SGCD: variants seen among roughly 807,000 people sequenced by gnomAD.
SGCD encodes delta-sarcoglycan.
A neutral mutation model predicts 36.6 loss-of-function variants in SGCD; 18 were observed. The observed-to-expected ratio is 0.49, with a 90% confidence interval of 0.34 to 0.73. The LOEUF is 0.73. Ranked by LOEUF, SGCD falls within the 30% of genes least tolerant of loss-of-function variation. The pLI is 0.01. For missense variants in SGCD, 387 were observed against 346.7 expected, an observed-to-expected ratio of 1.12 and a Z score of -0.92; for synonymous variants, 133 against 130.6, an observed-to-expected ratio of 1.02 and a Z score of -0.12.
intron 4 of SGCD, among the ~76,000 whole-genome samples, chr5:156,573,563 C>T (rs569088300): frequency 6.6e-6 from 1 of 152,288 alleles, no homozygotes; most frequent in South Asian, 2.1e-4. Context: ...GGAAGGCTCA[C>T]AGGTAAAGAA....
At chr5:155,755,642 G>A in the SGCD span, among the ~76,000 whole-genome samples, 1 of 152,100 alleles carries the variant, frequency 6.6e-6, no homozygotes, top group African/African-American at 2.4e-5. Flanking sequence ...ATAGTTTCCT[G>A]GGCATGCCCC....
At chr5:156,727,337 C>T (rs187068567) in intron 7 of SGCD, among the ~76,000 whole-genome samples, 1 of 152,058 alleles carries the variant, frequency 6.6e-6, no homozygotes, top group African/African-American at 2.4e-5. Context: ...GGAGTTATTT[C>T]TAAAGCTGGA....
the SGCD span, among the ~76,000 whole-genome samples, chr5:155,773,427 G>A: frequency 6.6e-6 from 1 of 152,090 alleles, no homozygotes; most frequent in Admixed American, 6.6e-5. Flanking sequence ...CAGTCCTCCT[G>A]ACTTGGCCTC....
At chr5:156,602,624 T>C (rs1282950932) in intron 6 of SGCD, among the ~76,000 whole-genome samples, 4 of 152,162 alleles carry the variant, frequency 2.6e-5, no homozygotes, top group Admixed American at 2.0e-4. Context: ...CTACCTTTTA[T>C]ACCTAATTTG....
intron 3 of SGCD, among the ~76,000 whole-genome samples, chr5:156,144,531 G>A (rs1191795025): frequency 1.3e-5 from 2 of 152,160 alleles, no homozygotes; most frequent in Non-Finnish European, 2.9e-5. Flanking sequence ...CTGCATAAAT[G>A]TCTTCTTTTG....
chr5:156,004,313 A>G (rs1417160861), intron 1 of SGCD, among the ~76,000 whole-genome samples: 1 of 152,232 alleles, frequency 6.6e-6, no homozygotes, highest in Non-Finnish European at 1.5e-5. Flanking sequence ...TTTCTAGAAC[A>G]GTACTACTGC....
chr5:156,211,346 G>T (rs1339994625), intron 3 of SGCD, among the ~76,000 whole-genome samples: 1 of 152,158 alleles, frequency 6.6e-6, no homozygotes, highest in African/African-American at 2.4e-5. Flanking sequence ...GGTGGCTCAA[G>T]CCTGTAATCC....
the SGCD span, among the ~76,000 whole-genome samples, chr5:155,845,800 A>G: frequency 6.6e-6 from 1 of 152,072 alleles, no homozygotes; most frequent in African/African-American, 2.4e-5. Flanking sequence ...TTATCTGTAA[A>G]CCTGTTTTTT....
intron 3 of SGCD, among the ~76,000 whole-genome samples, chr5:156,155,325 T>A (rs1005066100): frequency 6.6e-6 from 1 of 151,574 alleles, no homozygotes; most frequent in Admixed American, 6.6e-5. Context: ...ATGTTTCTTC[T>A]AAAAAGGGCA....
the SGCD span, among the ~76,000 whole-genome samples, chr5:155,856,518 G>A: frequency 1.5e-4 from 23 of 151,950 alleles, no homozygotes; most frequent in Non-Finnish European, 2.4e-4. Context: ...TACAGACACC[G>A]AAAGGACAAC....
chr5:156,009,278 G>T (rs1467477456), intron 1 of SGCD, among the ~76,000 whole-genome samples: 1 of 152,174 alleles, frequency 6.6e-6, no homozygotes, highest in Non-Finnish European at 1.5e-5. Flanking sequence ...GGGTTCCAAA[G>T]AACCAGGTTT....
At chr5:155,739,307 A>C in the SGCD span, among the ~76,000 whole-genome samples, 1 of 152,222 alleles carries the variant, frequency 6.6e-6, no homozygotes, top group Admixed American at 6.5e-5. Flanking sequence ...TCCATGCAGC[A>C]GGAAAAGCAA....
chr5:155,814,492 A>C, the SGCD span, among the ~76,000 whole-genome samples: 2 of 152,132 alleles, frequency 1.3e-5, no homozygotes, highest in African/African-American at 4.8e-5. Context: ...CCTGTTCCAG[A>C]CTCTAAGCTT....
chr5:156,185,494 G>GCA lies in SGCD; in HGVS notation c.-44+61475_-44+61476insCA, dbSNP rs1561555357. On this transcript the variant is annotated intron_variant, in intron 3 of 9. Coordinates refer to the SGCD transcript ENST00000517913. ...CTCCCAAAGTGCTGGGATTACAGAT[G>GCA]TGAGCCACCGCGCCTGGCCTCTTTT... is the stretch of plus-strand genomic sequence containing the variant. Among the ~76,000 whole-genome samples the GCA allele has an allele frequency of 2.5e-3, 381 of 152,150 alleles. 3 individuals are homozygous for GCA. The highest frequency in any genetic ancestry group is 8.2e-3 in the African/African-American group (341 of 41,530).
At chr5:156,496,083 C>A (rs755307626) in intron 3 of SGCD, among the ~76,000 whole-genome samples, 7 of 152,120 alleles carry the variant, frequency 4.6e-5, no homozygotes, top group Non-Finnish European at 8.8e-5. Flanking sequence ...GGCATCACTT[C>A]CTGACAAAAA....
At chr5:156,285,702 A>C (rs1377808483) in intron 3 of SGCD, among the ~76,000 whole-genome samples, 1 of 152,220 alleles carries the variant, frequency 6.6e-6, no homozygotes. Flanking sequence ...TAAACGTTGG[A>C]CCTAAAACCA....
intron 1 of SGCD, among the ~76,000 whole-genome samples, chr5:156,103,499 T>C (rs1400314639): frequency 6.6e-6 from 1 of 152,180 alleles, no homozygotes; most frequent in Non-Finnish European, 1.5e-5. Context: ...ATTTTAATGG[T>C]ATAAGGGATA....
At chr5:155,730,222 C>T in the SGCD span, among the ~76,000 whole-genome samples, 2 of 152,180 alleles carry the variant, frequency 1.3e-5, no homozygotes, top group South Asian at 4.1e-4. Flanking sequence ...TCTTCGGTGA[C>T]TTCAGGTGTG....
At chr5:156,318,590 C>T (rs1306398887) in intron 3 of SGCD, among the ~76,000 whole-genome samples, 1 of 142,682 alleles carries the variant, frequency 7.0e-6, no homozygotes, top group African/African-American at 2.6e-5. Flanking sequence ...CCATGAATGA[C>T]CTCTTTTTTT....
Sources: gnomAD v4.1 joint callset for allele counts (sites outside exome capture counted in the v4.1 genomes callset) on GRCh38, gnomAD v4.1.1 for gene constraint, MANE v1.5 for transcripts, NCBI Gene and HGNC (gene_info 2026-07-23, HGNC 2026-07-21) for gene names.